PTPRG: variants seen among roughly 807,000 people sequenced by gnomAD.
PTPRG encodes the protein receptor-type tyrosine-protein phosphatase gamma.
Under a neutral mutation model 165.3 loss-of-function variants are expected in PTPRG, and 102 were observed. The observed-to-expected ratio is 0.62, with a 90% confidence interval of 0.53 to 0.73. The LOEUF is 0.73. PTPRG is among the 30% of genes least tolerant of loss of function. The pLI, the probability that PTPRG is intolerant of heterozygous loss-of-function variation, is 0.00. For synonymous variants in PTPRG, 675 were observed against 669.5 expected (o/e 1.01, Z -0.13); for missense variants, 1,866 against 1,861.4 (o/e 1.00, Z -0.05).
chr3:62,194,008 G>A (rs1171700309), intron 9 of PTPRG, among the ~76,000 whole-genome samples: 1 of 152,134 alleles, frequency 6.6e-6, no homozygotes, highest in Non-Finnish European at 1.5e-5. Context: ...AAACTGTGAG[G>A]AAGAGGGACC....
rs765128415 is a variant in PTPRG at position 62,255,166 on chromosome 3, T to G, written c.2510T>G (p.Ile837Ser). 68 of 1,613,412 alleles carry G rather than the reference T, an allele frequency of 4.2e-5. No individual in the cohort carries two copies. Among genetic ancestry groups the G allele is most frequent in the Non-Finnish European group, 5.6e-5 (66 of 1,179,636 alleles). Residue 837 changes from isoleucine (I) to serine (S), a missense_variant, in exon 16 of 30, where the codon ATC becomes AGC. Physicochemically the swap from Ile to Ser is moderately radical, Grantham distance 142. This residue lies in a region of PTPRG where 1,452 missense variants were observed against 1,463.0 expected (regional missense o/e 0.99). Coordinates refer to ENST00000474889, the MANE Select transcript of PTPRG (RefSeq NM_002841.4). The surrounding 1 kb of genome is among the most constrained non-coding windows in gnomAD (Gnocchi z 4.0). ...AIPVKQFVKH[I>S]GELYSNNQHG... ...CCTGTCAAACAGTTTGTCAAACACATCGGTGAGCTCTATTCTAATAACCAG... is the reference window on the plus strand; with the variant it reads ...CCTGTCAAACAGTTTGTCAAACACAGCGGTGAGCTCTATTCTAATAACCAG...
intron 1 of PTPRG, among the ~76,000 whole-genome samples, chr3:61,715,569 C>G (rs2031768176): frequency 6.6e-6 from 1 of 152,094 alleles, no homozygotes. Flanking sequence ...ATGTCTTGCC[C>G]CCTCACTCTA....
At chr3:61,934,369 C>T (rs2039434991) in intron 2 of PTPRG, among the ~76,000 whole-genome samples, 1 of 151,854 alleles carries the variant, frequency 6.6e-6, no homozygotes, top group Admixed American at 6.6e-5. Flanking sequence ...GTGCTATTCA[C>T]AAAATTTAAA....
At chr3:62,274,135 G>A (rs1041590102) in intron 23 of PTPRG, among the ~76,000 whole-genome samples, 2 of 152,030 alleles carry the variant, frequency 1.3e-5, no homozygotes, top group African/African-American at 2.4e-5. Context: ...AAAGTAACTC[G>A]TTTAGTCCAA....
At chr3:61,619,744 T>G (rs1701397732) in intron 1 of PTPRG, among the ~76,000 whole-genome samples, 1 of 152,162 alleles carries the variant, frequency 6.6e-6, no homozygotes, top group Non-Finnish European at 1.5e-5. Context: ...GAGCTATGAA[T>G]TAGTGGCATA....
chr3:62,039,356 A>G (rs1700055358), intron 4 of PTPRG, among the ~76,000 whole-genome samples: 1 of 152,012 alleles, frequency 6.6e-6, no homozygotes, highest in African/African-American at 2.4e-5. Context: ...TTAAGCTAGT[A>G]AGAAATTTCT....
At chr3:62,138,828 G>C (rs1369538227) in intron 6 of PTPRG, among the ~76,000 whole-genome samples, 1 of 152,158 alleles carries the variant, frequency 6.6e-6, no homozygotes. Flanking sequence ...CAGTTAAGAG[G>C]TGTGTGTTTT....
chr3:62,094,271 G>A (rs1027480959), intron 5 of PTPRG, among the ~76,000 whole-genome samples: 1 of 152,154 alleles, frequency 6.6e-6, no homozygotes, highest in Non-Finnish European at 1.5e-5. Context: ...CTTCCAAAGA[G>A]TGTGGATCTA....
intron 5 of PTPRG, among the ~76,000 whole-genome samples, chr3:62,087,188 C>G (rs565350867): frequency 6.6e-6 from 1 of 152,290 alleles, no homozygotes; most frequent in South Asian, 2.1e-4. Flanking sequence ...ACAGGCCTGA[C>G]CCTCTGAAAG....
At chr3:61,757,909 T>C (rs939782676) in intron 2 of PTPRG, among the ~76,000 whole-genome samples, 2 of 152,216 alleles carry the variant, frequency 1.3e-5, no homozygotes, top group African/African-American at 4.8e-5. Flanking sequence ...AGGAAAAATA[T>C]ACCTAGCTGA....
At chr3:61,842,266 G>A (rs1468570084) in intron 2 of PTPRG, among the ~76,000 whole-genome samples, 1 of 152,088 alleles carries the variant, frequency 6.6e-6, no homozygotes, top group Non-Finnish European at 1.5e-5. Flanking sequence ...GTTTCTTATT[G>A]CTTCTAAAGG....
At chr3:61,759,491 C>T (rs1156879728) in intron 2 of PTPRG, among the ~76,000 whole-genome samples, 1 of 151,712 alleles carries the variant, frequency 6.6e-6, no homozygotes, top group Non-Finnish European at 1.5e-5. Context: ...CCTGTCTCTA[C>T]AAAAAAATTA....
chr3:61,614,490 A>G (rs558055498), intron 1 of PTPRG, among the ~76,000 whole-genome samples: 19 of 139,188 alleles, frequency 1.4e-4, no homozygotes, highest in African/African-American at 4.5e-4. Context: ...GCTCACTGCA[A>G]CCTCTGCTTC....
chr3:61,687,835 T>C (rs754376657), intron 1 of PTPRG, among the ~76,000 whole-genome samples: 1 of 152,150 alleles, frequency 6.6e-6, no homozygotes, highest in East Asian at 1.9e-4. Flanking sequence ...AATATGACAG[T>C]TTTATAGTAG....
chr3:61,764,456 C>T (rs973491034), intron 2 of PTPRG, among the ~76,000 whole-genome samples: 13 of 152,160 alleles, frequency 8.5e-5, no homozygotes, highest in African/African-American at 2.9e-4. Flanking sequence ...TGGAGGTGGA[C>T]AGAGCAGCAT....
intron 5 of PTPRG, among the ~76,000 whole-genome samples, chr3:62,122,062 C>G (rs1413916914): frequency 6.6e-6 from 1 of 152,164 alleles, no homozygotes. Flanking sequence ...TTTAGACTGC[C>G]TCTTCCCAGA....
At chr3:62,118,607 T>G (rs903779774) in intron 5 of PTPRG, 4 of 152,246 alleles carry the variant, frequency 2.6e-5, no homozygotes, top group Non-Finnish European at 5.9e-5. Flanking sequence ...AATTTTATGT[T>G]TTTTGCTTTT....
At chr3:61,720,644 G>T (rs1303602668) in intron 1 of PTPRG, among the ~76,000 whole-genome samples, 1 of 152,180 alleles carries the variant, frequency 6.6e-6, no homozygotes, top group Non-Finnish European at 1.5e-5. Context: ...ATGAGGTTTG[G>T]ATGGCAAGAA....
In PTPRG at chr3:62,085,074, G is replaced by A. The variant is rs1036753587; in HGVS notation, c.615+6816G>A. ...TCTCTGAAGTTGAAGTCTGTGTCTT[G>A]TTCCTCTTCTTTTTGTATACCACCA... On this transcript the variant is annotated intron_variant, in intron 5 of 29. Coordinates refer to ENST00000474889, the MANE Select transcript of PTPRG (RefSeq NM_002841.4). Among the ~76,000 whole-genome samples, 3 of 152,188 alleles carry A rather than the reference G, an allele frequency of 2.0e-5. No homozygotes were observed. In the East Asian group the frequency reaches 5.8e-4, roughly 29 times the overall value.
Sources: gnomAD v4.1 joint callset for allele counts (sites outside exome capture counted in the v4.1 genomes callset) on GRCh38, gnomAD v4.1.1 for gene constraint, gnomAD v4.1.1 regional missense constraint, Gnocchi (gnomAD v3.1) non-coding constraint, MANE v1.5 for transcripts, NCBI Gene and HGNC (gene_info 2026-07-23, HGNC 2026-07-21) for gene names.